SEC14L4: variants seen among roughly 807,000 people sequenced by gnomAD.
SEC14L4 encodes SEC14 like lipid binding 4, also known as SEC14-like protein 4.
In SEC14L4, 42 loss-of-function variants were observed where a neutral mutation model predicts 55.1. The ratio of observed to expected loss-of-function variants is 0.76; its 90% CI spans 0.60 to 0.99. SEC14L4 has a LOEUF of 0.99. Among genes scored for constraint, SEC14L4 ranks in the 50% least tolerant of loss-of-function variants. The pLI is 0.00. For missense variants in SEC14L4, 445 were observed against 512.1 expected (o/e 0.87, Z 1.27); for synonymous variants, 206 against 206.8 (o/e 1.00, Z 0.03).
At chr22:30,496,090 A>C in intron 2 of SEC14L4, 119 bp from the exon 3 acceptor site, 1 of 694,296 alleles carries the variant, frequency 1.4e-6, no homozygotes, top group Non-Finnish European at 2.5e-6. Flanking sequence ...CCAATAATAC[A>C]TTGAACATCT....
At chr22:30,494,100 C>A (rs181558838) in intron 7 of SEC14L4, 50 bp downstream of exon 7, 1 of 1,379,152 alleles carries the variant, frequency 7.3e-7, no homozygotes, top group East Asian at 2.3e-5. Context: ...TACTGTACCC[C>A]CAATTCCTGC....
At chr22:30,502,838 A>G (rs1396440173) in intron 2 of SEC14L4, among the ~76,000 whole-genome samples, 5 of 148,324 alleles carry the variant, frequency 3.4e-5, no homozygotes, top group African/African-American at 1.3e-4. Context: ...AGTGTGAGCC[A>G]TCGCATCTGG....
chr22:30,493,534 G>A (rs1238625279), intron 7 of SEC14L4, among the ~76,000 whole-genome samples: 1 of 152,146 alleles, frequency 6.6e-6, no homozygotes, highest in African/African-American at 2.4e-5. Flanking sequence ...GACCATTCCC[G>A]CTCAAAGTGT....
rs189747422 is a variant in SEC14L4, at chr22:30,503,260, G to T, written c.130+417C>A. 4.1e-3 allele frequency among the ~76,000 whole-genome samples: 608 copies of T among 149,954 alleles called. 2 individuals carry two copies. The highest frequency in any genetic ancestry group is 0.013 in the African/African-American group (541 of 40,752). ...GCTGATTCCAGACCCTGTGTTTTTTGTTTTTTTGTTTTTTTTTTTTTGAGA... is the reference window on the plus strand; with the variant it reads ...GCTGATTCCAGACCCTGTGTTTTTTTTTTTTTTGTTTTTTTTTTTTTGAGA... On this transcript the variant is annotated intron_variant, in intron 2 of 11. Transcript: ENST00000255858.
chr22:30,491,315 CTT>C (rs1935942904), intron 11 of SEC14L4: 5 of 549,794 alleles, frequency 9.1e-6, no homozygotes, highest in Admixed American at 6.1e-5. Flanking sequence ...TTACCTGTCT[CTT>C]AGTCCAGTGA....
chr22:30,498,613 G>A (rs999806107), intron 2 of SEC14L4, among the ~76,000 whole-genome samples: 1 of 152,118 alleles, frequency 6.6e-6, no homozygotes, highest in Admixed American at 6.6e-5. Flanking sequence ...AATGTTGATT[G>A]ATTGATTCTT....
rs768321574 is a variant in SEC14L4, at chr22:30,503,688, C to A, written c.119G>T (p.Arg40Leu). 6.2e-7 allele frequency: 1 copy of A among 1,611,130 alleles called. No individual in the cohort carries two copies. ...CCTGCAAGCCTCACCTCGCAGCCAG[C>A]GCAGGAGGAAGTAGTCATCAGCATT... is the stretch of plus-strand genomic sequence containing the variant. ...LPNADDYFLL[R>L]WLRARNFDLQ... Residue 40 changes from arginine (R) to leucine (L), a missense_variant, in exon 2 of 12, where the codon CGC becomes CTC. Coordinates refer to ENST00000255858, the MANE Select transcript of SEC14L4 (RefSeq NM_174977.4).
At chr22:30,496,089 C>A in intron 2 of SEC14L4, 118 bp from the exon 3 acceptor site, 1 of 698,852 alleles carries the variant, frequency 1.4e-6, no homozygotes, top group African/African-American at 1.8e-5. Flanking sequence ...CCCAATAATA[C>A]ATTGAACATC....
In SEC14L4 at chr22:30,492,351, G is replaced by T. The variant is rs368109803; in HGVS notation, c.664+123C>A. 26 of 1,142,034 alleles carry T rather than the reference G, an allele frequency of 2.3e-5. No individual in the cohort carries two copies. The African/African-American group carries it at 3.7e-4, about 16-fold the overall frequency. 70.7% of individuals were successfully genotyped at this position (1,142,034 alleles called of 1,614,324 possible). On this transcript the variant is annotated intron_variant, in intron 8 of 11. Coordinates refer to ENST00000255858, the MANE Select transcript of SEC14L4 (RefSeq NM_174977.4). ...CAAGGCATTGCCCGTGCGTGTGGAGGCTCACCAGGGTCAGGCCAGGGGTAG... is the reference window on the plus strand; with the variant it reads ...CAAGGCATTGCCCGTGCGTGTGGAGTCTCACCAGGGTCAGGCCAGGGGTAG...
intron 2 of SEC14L4, among the ~76,000 whole-genome samples, chr22:30,497,465 C>T (rs12168245): frequency 0.013 from 1,929 of 151,358 alleles, 30 homozygotes; most frequent in African/African-American, 0.044. Context: ...AAGGAAGCTG[C>T]AGTAAGCCAA....
At chr22:30,499,067 A>G (rs1334216333) in intron 2 of SEC14L4, among the ~76,000 whole-genome samples, 1 of 151,844 alleles carries the variant, frequency 6.6e-6, no homozygotes, top group African/African-American at 2.4e-5. Flanking sequence ...CAGCCTCCTG[A>G]GTAGCTGAGA....
intron 11 of SEC14L4, among the ~76,000 whole-genome samples, chr22:30,490,650 G>T (rs1259416901): frequency 1.3e-5 from 2 of 152,196 alleles, no homozygotes; most frequent in Non-Finnish European, 2.9e-5. Flanking sequence ...TAGCTCTTGG[G>T]CCTCTCCATG....
intron 6 of SEC14L4, 61 bp downstream of exon 6, chr22:30,494,805 G>T: frequency 1.8e-6 from 2 of 1,110,842 alleles, no homozygotes; most frequent in Non-Finnish European, 2.7e-6. Flanking sequence ...TCAATTCACA[G>T]CTAGGGCTCA....
At chr22:30,495,884 C>A (rs149983487) in intron 3 of SEC14L4, 44 bp downstream of exon 3, 1 of 1,602,348 alleles carries the variant, frequency 6.2e-7, no homozygotes, top group South Asian at 1.1e-5. Flanking sequence ...ATCCCTGGGT[C>A]ACAGTGCATG....
intron 2 of SEC14L4, among the ~76,000 whole-genome samples, chr22:30,497,553 A>G (rs574983969): frequency 2.0e-5 from 3 of 151,914 alleles, no homozygotes; most frequent in South Asian, 2.1e-4. Context: ...AGAACCCCCA[A>G]TGCAACAGCT....
In SEC14L4 at chr22:30,495,667, A is replaced by T. The variant is rs757741716; in HGVS notation, c.175-25T>A. ...GCTGCAGGAACACAGCAGGAGCTAT[A>T]GGATTTTGCAGGAACCTGGGGACAC... On this transcript the variant is annotated intron_variant, in intron 3 of 11. Coordinates refer to ENST00000255858, the MANE Select transcript of SEC14L4 (RefSeq NM_174977.4). 2.5e-6 allele frequency: 4 copies of T among 1,613,974 alleles called. No individual in the cohort carries two copies. In the Admixed American group the frequency reaches 6.7e-5, roughly 27 times the overall value.
chr22:30,495,043 A>G, intron 5 of SEC14L4, 82 bp from the exon 6 acceptor site: 1 of 1,182,836 alleles, frequency 8.5e-7, no homozygotes, highest in Non-Finnish European at 1.2e-6. Context: ...ACCTCTCCCC[A>G]CCTTCCTGCC....
intron 9 of SEC14L4, 24 bp downstream of exon 9, chr22:30,492,025 C>T (rs1235919080): frequency 3.7e-6 from 6 of 1,613,766 alleles, no homozygotes; most frequent in Non-Finnish European, 5.1e-6. Context: ...TCCCCTCCTT[C>T]CCCATCCTCT....
At position 30,495,904 on chromosome 22, in the gene SEC14L4, GCAGTAGGGATCA is replaced by G; in HGVS notation, c.174+12_174+23del. ...TGGGTCACAGTGCATGGAAGGCAGG[GCAGTAGGGATCA>G]CAGATCCTTACCCTTCGGAGCATGT... On this transcript the variant is annotated intron_variant, in intron 3 of 11. Transcript: ENST00000255858. 6.2e-7 allele frequency: 1 copy of G among 1,611,782 alleles called. No individual in the cohort carries two copies. Among genetic ancestry groups the G allele is most frequent in the African/African-American group, 1.3e-5 (1 of 74,954 alleles).
Sources: gnomAD v4.1 joint callset for allele counts (sites outside exome capture counted in the v4.1 genomes callset) on GRCh38, gnomAD v4.1.1 for gene constraint, MANE v1.5 for transcripts, NCBI Gene and HGNC (gene_info 2026-07-23, HGNC 2026-07-21) for gene names.